Variants in CA5A observed in about 807,000 individuals in gnomAD.
CA5A encodes the protein carbonic anhydrase 5A, mitochondrial.
CA5A carries 28 observed loss-of-function variants against 37.1 expected under a neutral mutation model. The observed-to-expected ratio is 0.75, with a 90% CI of 0.56 to 1.03. The LOEUF (loss-of-function observed/expected upper bound fraction) is 1.03. CA5A is among the 50% of genes least tolerant of loss of function. CA5A has a pLI of 0.00. For missense variants in CA5A, 444 were observed against 399.9 expected (o/e 1.11, Z -0.94); for synonymous variants, 171 against 158.4 (o/e 1.08, Z -0.60).
intron 5 of CA5A, among the ~76,000 whole-genome samples, chr16:87,899,669 C>T (rs1313860724): frequency 5.3e-5 from 8 of 149,886 alleles, no homozygotes; most frequent in South Asian, 2.1e-4. Flanking sequence ...CCGGTAATCC[C>T]AGCAATTTGG....
At chr16:87,922,393 A>G (rs2056242821) in intron 2 of CA5A, among the ~76,000 whole-genome samples, 2 of 152,122 alleles carry the variant, frequency 1.3e-5, no homozygotes, top group South Asian at 4.1e-4. Flanking sequence ...GGGGATAATT[A>G]CCATCTGCAA....
chr16:87,935,036 G>C (rs2056453045), intron 1 of CA5A, among the ~76,000 whole-genome samples: 1 of 152,248 alleles, frequency 6.6e-6, no homozygotes, highest in African/African-American at 2.4e-5. Context: ...TGGCCCTGGA[G>C]AGAAAGTCTG....
chr16:87,913,465 A>T (rs1421312804), intron 2 of CA5A, among the ~76,000 whole-genome samples: 1 of 151,702 alleles, frequency 6.6e-6, no homozygotes, highest in African/African-American at 2.4e-5. Flanking sequence ...AATTTTTTTT[A>T]CAAGACCACT....
At chr16:87,918,998 C>T (rs992962065) in intron 2 of CA5A, among the ~76,000 whole-genome samples, 7 of 152,182 alleles carry the variant, frequency 4.6e-5, no homozygotes, top group African/African-American at 1.7e-4. Context: ...GATTGGCCCG[C>T]GTGGACGGGA....
chr16:87,919,370 C>G (rs529136687), intron 2 of CA5A, among the ~76,000 whole-genome samples: 3 of 152,226 alleles, frequency 2.0e-5, no homozygotes, highest in African/African-American at 7.2e-5. Flanking sequence ...GGGTCACCCT[C>G]GGGCTGGCCA....
At chr16:87,917,622 CAA>C (rs1439048842) in intron 2 of CA5A, among the ~76,000 whole-genome samples, 3 of 150,302 alleles carry the variant, frequency 2.0e-5, no homozygotes, top group Admixed American at 6.6e-5. Context: ...TGTGCACACA[CAA>C]ACACACATGT....
At chr16:87,929,871 CAAA>C (rs58941982) in intron 1 of CA5A, among the ~76,000 whole-genome samples, 10 of 62,338 alleles carry the variant, frequency 1.6e-4, no homozygotes, top group South Asian at 8.0e-4. Context: ...GACTCCGTCT[CAAA>C]AAAAAAAAAA....
At chr16:87,907,266 A>G (rs2055976670) in intron 2 of CA5A, among the ~76,000 whole-genome samples, 2 of 152,084 alleles carry the variant, frequency 1.3e-5, no homozygotes, top group African/African-American at 4.8e-5. Context: ...CCAAAACACA[A>G]TCTAAGGAAC....
At chr16:87,927,697 T>C (rs1340962619) in intron 1 of CA5A, among the ~76,000 whole-genome samples, 1 of 151,810 alleles carries the variant, frequency 6.6e-6, no homozygotes, top group Non-Finnish European at 1.5e-5. Flanking sequence ...CCCATCATTA[T>C]TGAAAATATA....
intron 5 of CA5A, among the ~76,000 whole-genome samples, chr16:87,894,597 G>A (rs1159550300): frequency 2.0e-5 from 3 of 152,056 alleles, no homozygotes; most frequent in Middle Eastern, 3.4e-3. Context: ...CAGCATTATA[G>A]GCTGGGCACA....
At chr16:87,904,183 A>C (rs2055923189) in intron 3 of CA5A, among the ~76,000 whole-genome samples, 1 of 152,074 alleles carries the variant, frequency 6.6e-6, no homozygotes, top group Non-Finnish European at 1.5e-5. Context: ...CTCTACTAAA[A>C]ATACAAAAAT....
chr16:87,906,010 G>A (rs1016164432), intron 2 of CA5A, among the ~76,000 whole-genome samples: 3 of 152,228 alleles, frequency 2.0e-5, no homozygotes, highest in African/African-American at 7.2e-5. Flanking sequence ...GAGCTCCCCA[G>A]GGGTTCGGAT....
intron 1 of CA5A, among the ~76,000 whole-genome samples, chr16:87,933,041 A>C (rs1253141900): frequency 6.6e-6 from 1 of 152,240 alleles, no homozygotes; most frequent in African/African-American, 2.4e-5. Context: ...TGAGAGATGC[A>C]GTGAGCAGGC....
intron 5 of CA5A, among the ~76,000 whole-genome samples, chr16:87,894,949 C>G (rs1258705356): frequency 6.6e-6 from 1 of 152,132 alleles, no homozygotes; most frequent in Non-Finnish European, 1.5e-5. Flanking sequence ...GCAACTCTCC[C>G]ATCTAAAGTG....
intron 6 of CA5A, 108 bp downstream of exon 6, chr16:87,891,691 G>T: frequency 2.9e-6 from 3 of 1,021,168 alleles, no homozygotes; most frequent in Non-Finnish European, 4.0e-6. Context: ...ATGCATGAAA[G>T]AATATATATA....
chr16:87,885,332 G>GA (rs2055640303), downstream of CA5A: 1 of 152,756 alleles, frequency 6.5e-6, no homozygotes, highest in South Asian at 2.0e-4. Context: ...CAGCCCAAGA[G>GA]AAAAATGGGC....
intron 2 of CA5A, among the ~76,000 whole-genome samples, chr16:87,909,777 G>A (rs2056023832): frequency 6.6e-6 from 1 of 152,290 alleles, no homozygotes; most frequent in Non-Finnish European, 1.5e-5. Flanking sequence ...CGCGAAGACC[G>A]CCCACCAGCA....
At chr16:87,914,412 G>T (rs1192647413) in intron 2 of CA5A, among the ~76,000 whole-genome samples, 2 of 152,228 alleles carry the variant, frequency 1.3e-5, no homozygotes, top group Admixed American at 1.3e-4. Flanking sequence ...AACACTCAGG[G>T]GGTGCTAGCC....
chr16:87,896,358 C>T (rs949404031), intron 5 of CA5A, among the ~76,000 whole-genome samples: 12 of 152,172 alleles, frequency 7.9e-5, no homozygotes, highest in Admixed American at 4.6e-4. Context: ...GTTGCCTCAT[C>T]GTCCCCAGGA....
Sources: gnomAD v4.1 joint callset for allele counts (sites outside exome capture counted in the v4.1 genomes callset) on GRCh38, gnomAD v4.1.1 for gene constraint, MANE v1.5 for transcripts, NCBI Gene and HGNC (gene_info 2026-07-23, HGNC 2026-07-21) for gene names.